Variants in KCNB2 observed in about 807,000 individuals in gnomAD.
KCNB2 encodes the protein delayed rectifier potassium channel protein.
In KCNB2, 15 loss-of-function variants were observed where a neutral mutation model predicts 61.5. The ratio of observed to expected loss-of-function variants is 0.24; its 90% CI spans 0.16 to 0.38. The LOEUF (loss-of-function observed/expected upper bound fraction) is 0.38, where lower values mean the gene tolerates loss of function less well. KCNB2 is among the 10% of genes least tolerant of loss of function. The pLI is 1.00. For synonymous variants in KCNB2, 457 were observed against 446.0 expected (o/e 1.02, Z -0.31); for missense variants, 828 against 1,125.2 (o/e 0.74, Z 3.78).
intron 2 of KCNB2, among the ~76,000 whole-genome samples, chr8:72,649,709 T>A (rs1373122305): frequency 6.6e-6 from 1 of 152,162 alleles, no homozygotes; most frequent in Non-Finnish European, 1.5e-5. Context: ...ATGAGAAATA[T>A]CCTAGCCCTC....
intron 2 of KCNB2, among the ~76,000 whole-genome samples, chr8:72,718,903 C>G (rs1807496974): frequency 6.6e-6 from 1 of 152,110 alleles, no homozygotes; most frequent in African/African-American, 2.4e-5. Context: ...TTAGAGAATA[C>G]TATGGGAATA....
intron 2 of KCNB2, among the ~76,000 whole-genome samples, chr8:72,756,109 T>C (rs1180763423): frequency 6.6e-6 from 1 of 152,150 alleles, no homozygotes; most frequent in African/African-American, 2.4e-5. Flanking sequence ...CCCAGCTCAT[T>C]GTAGTGGGAA....
intron 2 of KCNB2, among the ~76,000 whole-genome samples, chr8:72,573,344 T>C (rs542915819): frequency 4.6e-5 from 7 of 152,332 alleles, no homozygotes; most frequent in African/African-American, 1.7e-4. Flanking sequence ...AACTTTCACA[T>C]GTTATGCTTG....
chr8:72,805,288 A>G (rs1809201140), intron 2 of KCNB2, among the ~76,000 whole-genome samples: 1 of 152,140 alleles, frequency 6.6e-6, no homozygotes, highest in Non-Finnish European at 1.5e-5. Context: ...TCTTTCCCCA[A>G]TGTCTCCTCC....
At chr8:72,931,032 C>T (rs1433693221) in intron 2 of KCNB2, among the ~76,000 whole-genome samples, 1 of 152,222 alleles carries the variant, frequency 6.6e-6, no homozygotes, top group Non-Finnish European at 1.5e-5. Context: ...CCAGTTTTCC[C>T]AGCACCATTT....
At chr8:72,570,057 C>G (rs1806685881) in intron 2 of KCNB2, among the ~76,000 whole-genome samples, 1 of 152,056 alleles carries the variant, frequency 6.6e-6, no homozygotes, top group Admixed American at 6.6e-5. Flanking sequence ...ACCTGATTTC[C>G]TACACAAGGG....
intron 2 of KCNB2, among the ~76,000 whole-genome samples, chr8:72,577,723 G>A (rs1407908276): frequency 1.3e-5 from 2 of 152,072 alleles, no homozygotes; most frequent in Non-Finnish European, 2.9e-5. Context: ...TCAAGCCTAC[G>A]CCACAGCAGT....
chr8:72,652,656 A>G (rs1367561753), intron 2 of KCNB2, among the ~76,000 whole-genome samples: 3 of 151,992 alleles, frequency 2.0e-5, no homozygotes, highest in Admixed American at 1.3e-4. Flanking sequence ...GTATGCATTG[A>G]TAGGGCTTAA....
chr8:72,584,499 C>A, intron 2 of KCNB2, among the ~76,000 whole-genome samples: 1 of 152,164 alleles, frequency 6.6e-6, no homozygotes, highest in Middle Eastern at 3.4e-3. Context: ...AAAAAAAACT[C>A]TTACCTTTTA....
chr8:72,748,854 G>A (rs1219350718), intron 2 of KCNB2, among the ~76,000 whole-genome samples: 1 of 151,812 alleles, frequency 6.6e-6, no homozygotes, highest in Non-Finnish European at 1.5e-5. Context: ...TTTTTTTGCA[G>A]TGAGAACACT....
intron 1 of KCNB2, among the ~76,000 whole-genome samples, chr8:72,561,982 G>T (rs1806544104): frequency 6.6e-6 from 1 of 150,762 alleles, no homozygotes; most frequent in Non-Finnish European, 1.5e-5. Context: ...GTGGTTCTTT[G>T]AAACATAGTT....
chr8:72,605,403 A>G (rs1805428558), intron 2 of KCNB2, among the ~76,000 whole-genome samples: 1 of 152,208 alleles, frequency 6.6e-6, no homozygotes, highest in South Asian at 2.1e-4. Context: ...TTGTGTCATT[A>G]CTACCAGTCT....
At chr8:72,691,976 C>T (rs967598409) in intron 2 of KCNB2, among the ~76,000 whole-genome samples, 1 of 152,060 alleles carries the variant, frequency 6.6e-6, no homozygotes, top group African/African-American at 2.4e-5. Context: ...GTGGCTCACA[C>T]TTGTAATCCC....
chr8:72,915,606 G>A (rs780791984), intron 2 of KCNB2, among the ~76,000 whole-genome samples: 1 of 152,144 alleles, frequency 6.6e-6, no homozygotes, highest in African/African-American at 2.4e-5. Flanking sequence ...TGAAATAAAG[G>A]CAGTATTTTT....
chr8:72,632,480 C>A (rs985285491), intron 2 of KCNB2, among the ~76,000 whole-genome samples: 1 of 152,122 alleles, frequency 6.6e-6, no homozygotes, highest in African/African-American at 2.4e-5. Flanking sequence ...ACTATTTACT[C>A]TCTGGCCATT....
intron 2 of KCNB2, among the ~76,000 whole-genome samples, chr8:72,799,819 T>G (rs1011329202): frequency 2.0e-5 from 3 of 152,110 alleles, no homozygotes; most frequent in Non-Finnish European, 2.9e-5. Context: ...CAGATTAATT[T>G]TAGTCAGAAA....
At chr8:72,760,168 A>T (rs190995970) in intron 2 of KCNB2, among the ~76,000 whole-genome samples, 1 of 152,226 alleles carries the variant, frequency 6.6e-6, no homozygotes, top group Non-Finnish European at 1.5e-5. Flanking sequence ...ATTTGGAGCC[A>T]GATCAACCAA....
intron 2 of KCNB2, among the ~76,000 whole-genome samples, chr8:72,627,395 T>A (rs753768163): frequency 3.3e-5 from 5 of 152,214 alleles, no homozygotes; most frequent in African/African-American, 4.8e-5. Flanking sequence ...TTTTCTATCA[T>A]AGACAACCTT....
At chr8:72,568,379 G>T in intron 2 of KCNB2, 66 bp downstream of exon 2, 1 of 1,364,460 alleles carries the variant, frequency 7.3e-7, no homozygotes, top group Non-Finnish European at 1.0e-6. Flanking sequence ...GTTCTAGAGA[G>T]TATAAGTTTT....
Sources: allele counts gnomAD v4.1 joint callset (sites outside exome capture counted in the v4.1 genomes callset), GRCh38; gene constraint gnomAD v4.1.1; transcripts MANE v1.5; gene names NCBI Gene and HGNC (gene_info 2026-07-23, HGNC 2026-07-21).